The following SLU7 variants were observed in gnomAD, a reference collection of about 807,000 sequenced individuals.
The protein encoded by SLU7 is pre-mRNA-splicing factor SLU7.
Under a neutral mutation model 87.0 loss-of-function variants are expected in SLU7, and 60 were observed. The ratio of observed to expected loss-of-function variants is 0.69; its 90% confidence interval spans 0.56 to 0.86. SLU7 has a LOEUF of 0.86. Among genes scored for constraint, SLU7 ranks in the 40% least tolerant of loss-of-function variants. The probability of loss-of-function intolerance (pLI) is 0.00; values close to 1 mark genes in which losing one functional copy is unlikely to be tolerated. For missense variants in SLU7, 507 were observed against 686.6 expected (o/e 0.74, Z 2.92); for synonymous variants, 197 against 222.0 (o/e 0.89, Z 1.00).
chr5:160,412,060 T>C (rs1238897497), intron 6 of SLU7, among the ~76,000 whole-genome samples: 1 of 152,228 alleles, frequency 6.6e-6, no homozygotes, highest in African/African-American at 2.4e-5. Context: ...TACACAGCAT[T>C]ACACCATGCA....
intron 11 of SLU7, 45 bp from the exon 12 acceptor site, chr5:160,406,674 T>C (rs929282404): frequency 7.3e-7 from 1 of 1,370,282 alleles, no homozygotes; most frequent in East Asian, 2.6e-5. Context: ...ACAACCTGAT[T>C]TGCATTTAAA....
intron 15 of SLU7, among the ~76,000 whole-genome samples, chr5:160,404,035 G>C (rs1043901176): frequency 6.6e-6 from 1 of 152,166 alleles, no homozygotes; most frequent in Non-Finnish European, 1.5e-5. Flanking sequence ...TTTGGAGACA[G>C]GACTAGATCA....
intron 6 of SLU7, among the ~76,000 whole-genome samples, chr5:160,411,527 A>T (rs1481059576): frequency 2.0e-5 from 3 of 152,182 alleles, no homozygotes; most frequent in Non-Finnish European, 2.9e-5. Context: ...CCAGAGATGG[A>T]TTTTAAACAC....
chr5:160,408,517 T>C (rs2113121591), intron 7 of SLU7, 57 bp from the exon 8 acceptor site: 1 of 1,546,352 alleles, frequency 6.5e-7, no homozygotes, highest in South Asian at 1.2e-5. Flanking sequence ...TGTAGTTCTT[T>C]TTTTTCCCCT....
At chr5:160,411,257 A>G (rs545504946) in intron 6 of SLU7, among the ~76,000 whole-genome samples, 5 of 151,762 alleles carry the variant, frequency 3.3e-5, no homozygotes, top group African/African-American at 1.2e-4. Flanking sequence ...ATTGAGATAG[A>G]GTCTCGCTCT....
rs763585505 is a variant in SLU7 at position 160,412,531 on chromosome 5, AAAAAAAG to A, written c.571-19_571-13del. 730 of 1,371,290 alleles carry A rather than the reference AAAAAAAG, an allele frequency of 5.3e-4. 33 individuals carry two copies. In the South Asian group the frequency reaches 9.5e-3, roughly 18 times the overall value. The allele number at this position is 1,371,290 out of a possible 1,614,324, so 84.9% of individuals were successfully genotyped here. On this transcript the variant is annotated splice_polypyrimidine_tract_variant and intron_variant, in intron 5 of 15. Transcript: ENST00000297151. ...AATGTTCGTTTTGCCTTTAAAAAAA[AAAAAAAG>A]AAAGAAAGAAAGAAAAAGTAAACAT...
chr5:160,404,439 C>A lies in SLU7; in HGVS notation c.1581+1G>T, dbSNP rs372929147. 6.5e-6 allele frequency: 10 copies of A among 1,543,138 alleles called. No individual in the cohort carries two copies. The highest frequency in any genetic ancestry group is 8.9e-6 in the Non-Finnish European group (10 of 1,123,772). ...TTTACTATTTAGACTTCACAAATTACCTTTTTCAATTTTTCATGCTTCTTT... is the reference window on the plus strand; with the variant it reads ...TTTACTATTTAGACTTCACAAATTAACTTTTTCAATTTTTCATGCTTCTTT... On this transcript the variant is annotated splice_donor_variant, in intron 15 of 15. Transcript: ENST00000297151. LOFTEE classifies it high-confidence loss of function.
intron 3 of SLU7, 130 bp downstream of exon 3, chr5:160,414,189 T>G: frequency 8.8e-6 from 7 of 793,578 alleles, no homozygotes; most frequent in Non-Finnish European, 1.4e-5. Context: ...AGTAATGCAC[T>G]GTGAATTTCA....
rs1348896387 is a variant in SLU7, at chr5:160,406,293, A to G, written c.1287+175T>C. 1.6e-5 allele frequency: 8 copies of G among 509,006 alleles called. No individual in the cohort carries two copies. The East Asian group carries it at 2.7e-4, about 17-fold the overall frequency. The allele number at this position is 509,006 out of a possible 1,614,324, so 31.5% of individuals were successfully genotyped here. On this transcript the variant is annotated intron_variant, in intron 12 of 15. Coordinates refer to ENST00000297151, the MANE Select transcript of SLU7 (RefSeq NM_006425.5). The stretch of plus-strand genomic sequence containing the variant: ...TTAGATGATGGGTATATAGATGAAC[A>G]TAGTATTCCTTCAAAATTTTTCTAT...
chr5:160,414,399 A>G lies in SLU7; in HGVS notation c.244T>C (p.Leu82=). Reference sequence around the variant, plus strand: ...TCTGGTTGTGGTCTCTGGTGTTTTAAAGTAGGTCTTTTTGAAGGATCAATA... The same window carrying G: ...TCTGGTTGTGGTCTCTGGTGTTTTAGAGTAGGTCTTTTTGAAGGATCAATA... The part of the protein sequence containing the change: ...WYIDPSKRPT[L]KHQRPQPEKQ... Residue 82 remains leucine (L), a synonymous_variant, in exon 3 of 16, where the codon TTA becomes CTA. Coordinates refer to ENST00000297151, the MANE Select transcript of SLU7 (RefSeq NM_006425.5). 1 of 1,612,174 alleles carries G rather than the reference A, an allele frequency of 6.2e-7. No individual in the cohort carries two copies.
At chr5:160,414,499 ATTT>A in intron 2 of SLU7, 27 bp from the exon 3 acceptor site, 8 of 1,368,340 alleles carry the variant, frequency 5.8e-6, no homozygotes, top group South Asian at 1.5e-5. Context: ...AAAAAAAAAA[ATTT>A]AAGGATAAAA....
chr5:160,404,706 C>T, intron 14 of SLU7, 103 bp downstream of exon 14: 1 of 935,170 alleles, frequency 1.1e-6, no homozygotes, highest in South Asian at 1.5e-5. Flanking sequence ...GCCTGGGCGA[C>T]AGAATGAGAT....
intron 6 of SLU7, among the ~76,000 whole-genome samples, chr5:160,411,786 G>GA (rs948301117): frequency 1.5e-4 from 22 of 148,802 alleles, no homozygotes; most frequent in Admixed American, 1.0e-3. Context: ...TTTTAAAAAA[G>GA]AAAAAAAAAC....
chr5:160,412,235 G>T (rs1411806980), intron 6 of SLU7, among the ~76,000 whole-genome samples: 2 of 152,110 alleles, frequency 1.3e-5, no homozygotes, highest in African/African-American at 4.8e-5. Flanking sequence ...GTAAATGTTT[G>T]TGTGTGTCTA....
chr5:160,413,715 T>C, intron 4 of SLU7, 95 bp from the exon 5 acceptor site: 1 of 1,181,100 alleles, frequency 8.5e-7, no homozygotes, highest in Admixed American at 2.6e-5. Context: ...TTACGATCTA[T>C]TCAATTTACA....
Position 160,416,621 on chromosome 5 carries a change from C to G in SLU7, c.-16-1311G>C, listed in dbSNP as rs113310705. ...CATTAAGTGCTTCAGCTTATCCCTA[C>G]ATCTATCTCATCACTAAGAACAGTT... On this transcript the variant is annotated intron_variant, in intron 1 of 15. Coordinates refer to ENST00000297151, the MANE Select transcript of SLU7 (RefSeq NM_006425.5). 2.6e-3 allele frequency among the ~76,000 whole-genome samples: 390 copies of G among 152,326 alleles called. 2 individuals carry two copies. Among genetic ancestry groups the G allele is most frequent in the Non-Finnish European group, 4.7e-3 (321 of 68,030 alleles).
At chr5:160,406,710 C>A in intron 11 of SLU7, 81 bp from the exon 12 acceptor site, 12 of 1,128,982 alleles carry the variant, frequency 1.1e-5, no homozygotes, top group East Asian at 2.7e-5. Flanking sequence ...TATTTCTAAT[C>A]AGAAAGAAAG....
intron 12 of SLU7, among the ~76,000 whole-genome samples, chr5:160,405,393 G>A (rs568332231): frequency 7.4e-4 from 113 of 152,292 alleles, no homozygotes; most frequent in African/African-American, 2.6e-3. Flanking sequence ...CTTGAAAAAC[G>A]TAGGAGTGGG....
intron 12 of SLU7, 120 bp downstream of exon 12, chr5:160,406,348 A>ATTTT: frequency 9.7e-6 from 6 of 617,590 alleles, no homozygotes; most frequent in Non-Finnish European, 1.4e-5. Flanking sequence ...AACAGTTAAA[A>ATTTT]TTTTTTTTTT....
Sources: allele counts gnomAD v4.1 joint callset (sites outside exome capture counted in the v4.1 genomes callset), GRCh38; gene constraint gnomAD v4.1.1; transcripts MANE v1.5; gene names NCBI Gene and HGNC (gene_info 2026-07-23, HGNC 2026-07-21).